LIPA: variants seen among roughly 807,000 people sequenced by gnomAD.
The protein encoded by LIPA is lipase A, lysosomal acid type.
In LIPA, 26 loss-of-function variants were observed where a neutral mutation model predicts 40.6. The observed-to-expected ratio is 0.64, with a 90% CI of 0.47 to 0.89. The LOEUF (loss-of-function observed/expected upper bound fraction) is 0.89. Among genes scored for constraint, LIPA ranks in the 40% least tolerant of loss-of-function variants. The pLI is 0.00. For synonymous variants in LIPA, 188 were observed against 168.4 expected (o/e 1.12, Z -0.90); for missense variants, 455 against 479.6 (o/e 0.95, Z 0.48).
Position 89,251,540 on chromosome 10 carries a change from C to T in LIPA, c.-2+197G>A, listed in dbSNP as rs79880019. Among the ~76,000 whole-genome samples, 14 of 152,328 alleles carry T rather than the reference C, an allele frequency of 9.2e-5. No homozygotes were observed. The East Asian group carries it at 2.3e-3, about 25-fold the overall frequency. On this transcript the variant is annotated intron_variant, in intron 1 of 9. Transcript: ENST00000336233. The stretch of plus-strand genomic sequence containing the variant: ...TCTGAAGTTGCTCTCTGAAGTTGCC[C>T]TGGTTGATTGGCAGATGCCTTGAGC...
intron 1 of LIPA, among the ~76,000 whole-genome samples, chr10:89,266,160 C>T (rs2133489649): frequency 6.6e-6 from 1 of 152,328 alleles, no homozygotes; most frequent in East Asian, 1.9e-4. Context: ...TGAAAGCCTG[C>T]TGTTGTTTGT....
At chr10:89,388,453 T>C (rs1306273957) in intron 2 of LIPA, among the ~76,000 whole-genome samples, 1 of 152,172 alleles carries the variant, frequency 6.6e-6, no homozygotes, top group African/African-American at 2.4e-5. Context: ...AGGTGTTTTG[T>C]TAATTTTGTT....
At chr10:89,247,012 T>G (rs527703541) in intron 2 of LIPA, among the ~76,000 whole-genome samples, 1 of 152,286 alleles carries the variant, frequency 6.6e-6, no homozygotes, top group Admixed American at 6.5e-5. Context: ...ATATATAACA[T>G]TAAACTGAGG....
chr10:89,363,078 C>A lies in LIPA; in HGVS notation c.61+49713G>T, dbSNP rs576117405. On this transcript the variant is annotated intron_variant, in intron 2 of 8. Coordinates refer to the LIPA transcript ENST00000371837. The stretch of plus-strand genomic sequence containing the variant: ...GACCTATGTTTTTCTATATGCAGCC[C>A]AGTTTTATCAAAGAAGAGGCAATAT... 6.2e-3 allele frequency: 1,407 copies of A among 225,878 alleles called. 7 individuals carry two copies. Among genetic ancestry groups the A allele is most frequent in the Middle Eastern group, 0.017 (24 of 1,448 alleles). 14.0% of individuals were successfully genotyped at this position (225,878 alleles called of 1,614,324 possible). A position where few individuals can be genotyped will look rare whatever the true frequency, so the allele number is the denominator to read the frequency against.
At chr10:89,384,322 C>T (rs370743973) in intron 2 of LIPA, 23 of 1,614,004 alleles carry the variant, frequency 1.4e-5, no homozygotes, top group South Asian at 5.5e-5. Flanking sequence ...AATGTTAAAG[C>T]GAACATTTGA....
rs1338600245 is a variant in LIPA, at chr10:89,359,406, G to C, written c.61+53385C>G. Among the ~76,000 whole-genome samples the C allele has an allele frequency of 2.6e-5, 4 of 152,224 alleles. No homozygotes were observed. The East Asian group carries it at 7.7e-4, about 29-fold the overall frequency. On this transcript the variant is annotated intron_variant, in intron 2 of 8. Coordinates refer to the LIPA transcript ENST00000371837. The stretch of plus-strand genomic sequence containing the variant: ...ATTGGTGAGAGAGATTCACTACTAA[G>C]AGGTTCCTATTTTTGTTAACTGCAT...
chr10:89,240,866 G>A (rs181091377), intron 3 of LIPA, among the ~76,000 whole-genome samples: 476 of 152,284 alleles, frequency 3.1e-3, no homozygotes, highest in Non-Finnish European at 5.1e-3. Flanking sequence ...GAGGGCTGCA[G>A]GAGCATGCTT....
chr10:89,342,721 C>T (rs1843883795), upstream of LIPA: 1 of 152,116 alleles, frequency 6.6e-6, no homozygotes, highest in Admixed American at 6.5e-5. Context: ...CAAAATGGCC[C>T]CTCACTCACA....
At chr10:89,359,325 T>A (rs1321649756) in intron 2 of LIPA, among the ~76,000 whole-genome samples, 1 of 152,250 alleles carries the variant, frequency 6.6e-6, no homozygotes, top group Non-Finnish European at 1.5e-5. Context: ...ATTGATGAAT[T>A]AGTTAATTAA....
intron 2 of LIPA, among the ~76,000 whole-genome samples, chr10:89,412,403 T>C (rs1841476158): frequency 6.6e-6 from 1 of 152,032 alleles, no homozygotes; most frequent in African/African-American, 2.4e-5. Context: ...CTCTGTAAAA[T>C]GGACCAATCA....
chr10:89,231,978 T>TG (rs1161921270), intron 3 of LIPA, among the ~76,000 whole-genome samples: 1 of 152,232 alleles, frequency 6.6e-6, no homozygotes, highest in African/African-American at 2.4e-5. Flanking sequence ...TTGTGGTAGA[T>TG]ACAGCGTCTT....
At chr10:89,225,027 C>A (rs1273487421) in intron 6 of LIPA, 65 bp downstream of exon 6, 1 of 1,571,710 alleles carries the variant, frequency 6.4e-7, no homozygotes, top group Non-Finnish European at 8.7e-7. Context: ...CCTCCCCTTG[C>A]CATTTCTTCA....
intron 3 of LIPA, among the ~76,000 whole-genome samples, chr10:89,237,716 T>C (rs910664162): frequency 6.6e-6 from 1 of 152,220 alleles, no homozygotes; most frequent in African/African-American, 2.4e-5. Context: ...ATTGGTTCCA[T>C]TGATGCTTTT....
intron 7 of LIPA, among the ~76,000 whole-genome samples, chr10:89,222,939 T>C (rs948699870): frequency 6.6e-6 from 1 of 152,224 alleles, no homozygotes; most frequent in Non-Finnish European, 1.5e-5. Flanking sequence ...TGAAATTCCT[T>C]AGGGCCTTTA....
chr10:89,305,965 G>T, intron 1 of LIPA: 1 of 1,607,676 alleles, frequency 6.2e-7, no homozygotes, highest in South Asian at 1.1e-5. Context: ...CCTACAGTGA[G>T]AACAATAAGA....
Position 89,226,944 on chromosome 10 carries a change from A to G in LIPA, c.489T>C (p.Thr163=), listed in dbSNP as rs2133433185. Residue 163 remains threonine, a synonymous_variant, in exon 5 of 10, where the codon ACT becomes ACC. Transcript: ENST00000336233. ...PASINFILNK[T]GQEQVYYVGH... ...CCACATAATACACTTGTTCTTGGCC[A>G]GTTTTATTCAGAATGAAGTTAATGG... 6.2e-7 allele frequency: 1 copy of G among 1,613,454 alleles called. No homozygotes were observed. The highest frequency in any genetic ancestry group is 8.5e-7 in the Non-Finnish European group (1 of 1,179,512).
At chr10:89,236,946 C>T (rs1035162218) in intron 3 of LIPA, among the ~76,000 whole-genome samples, 11 of 152,120 alleles carry the variant, frequency 7.2e-5, no homozygotes, top group Admixed American at 2.0e-4. Context: ...ATAAAAGATG[C>T]TTTGATAATT....
chr10:89,367,318 T>C (rs1227634118), intron 2 of LIPA, among the ~76,000 whole-genome samples: 1 of 152,104 alleles, frequency 6.6e-6, no homozygotes, highest in Admixed American at 6.5e-5. Flanking sequence ...GAACTTAAAG[T>C]ATAATAATTA....
At position 89,289,999 on chromosome 10, in the gene LIPA, G is replaced by C. The variant is rs200671109; in HGVS notation, c.-1-42350C>G. 2.2e-4 allele frequency among the ~76,000 whole-genome samples: 29 copies of C among 130,742 alleles called. No homozygotes were observed. In the East Asian group the frequency reaches 6.1e-3, roughly 27 times the overall value. The allele number at this position is 130,742 out of a possible 152,430, so 85.8% of individuals were successfully genotyped here. On this transcript the variant is annotated intron_variant, in intron 1 of 5. Coordinates refer to the LIPA transcript ENST00000282673. ...GACTTACTCACTGCTAAAAAAAAAGGGTGGGGGGGACTCTGTATATTTTCA... is the reference window on the plus strand; with the variant it reads ...GACTTACTCACTGCTAAAAAAAAAGCGTGGGGGGGACTCTGTATATTTTCA...
Sources: allele counts gnomAD v4.1 joint callset (sites outside exome capture counted in the v4.1 genomes callset), GRCh38; gene constraint gnomAD v4.1.1; transcripts MANE v1.5; gene names NCBI Gene and HGNC (gene_info 2026-07-23, HGNC 2026-07-21).